CTNNA3: variants seen among roughly 807,000 people sequenced by gnomAD.
CTNNA3 encodes catenin alpha-3.
Under a neutral mutation model 95.7 loss-of-function variants are expected in CTNNA3, and 76 were observed. The ratio of observed to expected loss-of-function variants is 0.79; its 90% CI spans 0.66 to 0.96. CTNNA3 has a LOEUF of 0.96. CTNNA3 is among the 40% of genes least tolerant of loss of function. The pLI is 0.00. For missense variants in CTNNA3, 1,191 were observed against 1,089.8 expected (o/e 1.09, Z -1.31); for synonymous variants, 431 against 374.4 (o/e 1.15, Z -1.74).
intron 13 of CTNNA3, among the ~76,000 whole-genome samples, chr10:66,136,861 G>A (rs139364894): frequency 5.9e-5 from 9 of 151,590 alleles, no homozygotes; most frequent in South Asian, 4.2e-4. Context: ...TCTCACTGTC[G>A]CCCAGGCTGA....
intron 5 of CTNNA3, among the ~76,000 whole-genome samples, chr10:67,351,585 G>A (rs959662793): frequency 3.9e-5 from 6 of 152,048 alleles, no homozygotes; most frequent in South Asian, 4.2e-4. Flanking sequence ...GTTGGCCAGC[G>A]TGTTGTTTAC....
At chr10:67,741,799 G>A (rs1487739529) in intron 1 of CTNNA3, among the ~76,000 whole-genome samples, 2 of 151,164 alleles carry the variant, frequency 1.3e-5, no homozygotes, top group East Asian at 3.8e-4. Context: ...TCAAAATAAA[G>A]GGATAGAGGA....
chr10:66,989,065 G>A (rs1416512817), intron 7 of CTNNA3, among the ~76,000 whole-genome samples: 2 of 151,846 alleles, frequency 1.3e-5, no homozygotes, highest in Admixed American at 6.6e-5. Context: ...GCAAGAAAAA[G>A]TGTTTTTTTA....
At chr10:66,838,980 G>T (rs978717959) in intron 7 of CTNNA3, among the ~76,000 whole-genome samples, 1 of 151,982 alleles carries the variant, frequency 6.6e-6, no homozygotes, top group Non-Finnish European at 1.5e-5. Flanking sequence ...TTTCTCTTTG[G>T]CGAAGACTTT....
intron 13 of CTNNA3, among the ~76,000 whole-genome samples, chr10:66,279,409 C>T (rs377567298): frequency 6.6e-6 from 1 of 152,040 alleles, no homozygotes; most frequent in African/African-American, 2.4e-5. Flanking sequence ...ACTGAATCTT[C>T]CTACAGCAAG....
intron 12 of CTNNA3, among the ~76,000 whole-genome samples, chr10:66,352,386 G>A (rs2092573357): frequency 6.6e-6 from 1 of 152,096 alleles, no homozygotes; most frequent in African/African-American, 2.4e-5. Flanking sequence ...GAGATAGGAG[G>A]AACCAAATAT....
intron 5 of CTNNA3, among the ~76,000 whole-genome samples, chr10:67,327,929 G>A (rs761434258): frequency 1.1e-4 from 16 of 152,128 alleles, no homozygotes; most frequent in East Asian, 1.9e-4. Flanking sequence ...TCTGTGCCTC[G>A]CAAGCAGGAA....
At chr10:66,439,500 T>C (rs1462342254) in intron 11 of CTNNA3, among the ~76,000 whole-genome samples, 1 of 152,152 alleles carries the variant, frequency 6.6e-6, no homozygotes, top group Non-Finnish European at 1.5e-5. Context: ...ATTTTGGTTT[T>C]CAGATTCTCT....
At chr10:66,227,618 T>G (rs2085996) in intron 13 of CTNNA3, among the ~76,000 whole-genome samples, 11,839 of 152,248 alleles carry the variant, frequency 0.078, 598 homozygotes, top group Admixed American at 0.13. Flanking sequence ...ATTCAAAATA[T>G]TGGTCTGTAG....
chr10:67,697,561 C>T (rs548432328), upstream of CTNNA3, among the ~76,000 whole-genome samples: 1 of 152,244 alleles, frequency 6.6e-6, no homozygotes, highest in East Asian at 1.9e-4. Flanking sequence ...TAGATGAGAA[C>T]TCTTATTCTT....
Position 66,027,783 on chromosome 10 carries a change from C to A in CTNNA3, c.2160-38986G>T, listed in dbSNP as rs75754449. ...TGGTTTATAAATAGTCAACGCCACC[C>A]CACTCCAATTTCCCTCCTTTATCTT... On this transcript the variant is annotated intron_variant, in intron 15 of 17. Coordinates refer to ENST00000433211, the MANE Select transcript of CTNNA3 (RefSeq NM_013266.4). Among the ~76,000 whole-genome samples, 1,411 of 152,228 alleles carry A rather than the reference C, an allele frequency of 9.3e-3. 27 individuals carry two copies. Among genetic ancestry groups the A allele is most frequent in the African/African-American group, 0.032 (1,345 of 41,536 alleles).
intron 5 of CTNNA3, among the ~76,000 whole-genome samples, chr10:67,438,996 T>C (rs901333848): frequency 1.3e-5 from 2 of 152,158 alleles, no homozygotes; most frequent in Non-Finnish European, 2.9e-5. Context: ...ACACAAGGAC[T>C]GAAATTCCTC....
chr10:67,539,598 C>T lies in CTNNA3; in HGVS notation c.364G>A (p.Val122Ile), dbSNP rs1214983162. The T allele has an allele frequency of 6.2e-7, 1 of 1,613,864 alleles. No individual in the cohort carries two copies. The highest frequency in any genetic ancestry group is 1.1e-5 in the South Asian group (1 of 91,078). The stretch of plus-strand genomic sequence containing the variant: ...GCCAGCAAGGCACGGGCAGCTTGAA[C>T]CACAGCCTCCCTTTTTGGGAGAAAA... ...PCFLPKREAV[V>I]QAARALLAAV... Residue 122 changes from valine to isoleucine, a missense_variant, in exon 4 of 18, where the codon GTT (valine) becomes ATT (isoleucine). Coordinates refer to ENST00000433211, the MANE Select transcript of CTNNA3 (RefSeq NM_013266.4).
At chr10:66,438,955 T>C (rs2093357175) in intron 11 of CTNNA3, among the ~76,000 whole-genome samples, 1 of 152,138 alleles carries the variant, frequency 6.6e-6, no homozygotes. Flanking sequence ...GGGAGTTACC[T>C]GACCCCTTAC....
At chr10:66,027,113 G>A (rs2079356235) in intron 15 of CTNNA3, among the ~76,000 whole-genome samples, 1 of 151,942 alleles carries the variant, frequency 6.6e-6, no homozygotes, top group African/African-American at 2.4e-5. Flanking sequence ...GAAAATAATT[G>A]CAATGTGAAA....
intron 13 of CTNNA3, among the ~76,000 whole-genome samples, chr10:66,184,778 A>G (rs1366932703): frequency 6.6e-6 from 1 of 152,108 alleles, no homozygotes; most frequent in African/African-American, 2.4e-5. Flanking sequence ...ACCTCTTATC[A>G]TTATGTATTG....
At chr10:65,955,693 T>C (rs1428756273) in intron 17 of CTNNA3, among the ~76,000 whole-genome samples, 1 of 152,188 alleles carries the variant, frequency 6.6e-6, no homozygotes. Flanking sequence ...ATTACGTTTA[T>C]TGATTTGCAT....
chr10:67,161,136 A>C (rs1589808935), intron 7 of CTNNA3, among the ~76,000 whole-genome samples: 1 of 152,130 alleles, frequency 6.6e-6, no homozygotes, highest in East Asian at 1.9e-4. Flanking sequence ...TTTTCATTTG[A>C]TATATTGTTC....
Position 66,927,019 on chromosome 10 carries a change from C to T in CTNNA3, c.1048-151495G>A. ...GCTTTCTTCTGCCGAACGAGGATGC[C>T]CTAAGGGCTGTAGGTGTGAAGGCAA... On this transcript the variant is annotated intron_variant, in intron 7 of 17. Coordinates refer to ENST00000433211, the MANE Select transcript of CTNNA3 (RefSeq NM_013266.4). The surrounding 1 kb of genome is among the most constrained non-coding windows in gnomAD (Gnocchi z 4.7). 2 of 1,614,028 alleles carry T rather than the reference C, an allele frequency of 1.2e-6. No individual in the cohort carries two copies. The highest frequency in any genetic ancestry group is 2.2e-5 in the East Asian group (1 of 44,862).
Sources: gnomAD v4.1 joint callset for allele counts (sites outside exome capture counted in the v4.1 genomes callset) on GRCh38, gnomAD v4.1.1 for gene constraint, Gnocchi (gnomAD v3.1) non-coding constraint, MANE v1.5 for transcripts, NCBI Gene and HGNC (gene_info 2026-07-23, HGNC 2026-07-21) for gene names.